The following PRDM5 variants were observed in gnomAD, a reference collection of about 807,000 sequenced individuals.
PRDM5 encodes PR domain zinc finger protein 5.
Under a neutral mutation model 81.2 loss-of-function variants are expected in PRDM5, and 56 were observed. The observed-to-expected ratio is 0.69, with a 90% CI of 0.56 to 0.86. PRDM5 has a LOEUF of 0.86. Among genes scored for constraint, PRDM5 ranks in the 40% least tolerant of loss-of-function variants. PRDM5 has a pLI of 0.00. For missense variants in PRDM5, 697 were observed against 770.1 expected (o/e 0.91, Z 1.12); for synonymous variants, 267 against 256.4 (o/e 1.04, Z -0.39).
intron 13 of PRDM5, among the ~76,000 whole-genome samples, chr4:120,769,951 T>C (rs774749894): frequency 6.6e-6 from 1 of 151,824 alleles, no homozygotes; most frequent in Non-Finnish European, 1.5e-5. Context: ...AATTCTCTGG[T>C]CCACTTAAGT....
Position 120,741,486 on chromosome 4 carries a change from G to A in PRDM5, c.1623+13067C>T, listed in dbSNP as rs150331424. 9.9e-5 allele frequency among the ~76,000 whole-genome samples: 15 copies of A among 151,594 alleles called. No individual in the cohort carries two copies. In the South Asian group the frequency reaches 1.0e-3, roughly 11 times the overall value. On this transcript the variant is annotated intron_variant, in intron 14 of 15. Coordinates refer to ENST00000264808, the MANE Select transcript of PRDM5 (RefSeq NM_018699.4). ...TCCCAGCCTGAACCACGCAGAAGACGGGTGATTACTGCATTTCCATCTGAG... is the reference window on the plus strand; with the variant it reads ...TCCCAGCCTGAACCACGCAGAAGACAGGTGATTACTGCATTTCCATCTGAG...
At position 120,784,981 on chromosome 4, in the gene PRDM5, C is replaced by G. The variant is rs199821555; in HGVS notation, c.1282+17G>C. The G allele has an allele frequency of 1.7e-5, 27 of 1,556,304 alleles. No homozygotes were observed. The East Asian group carries it at 5.6e-4, about 32-fold the overall frequency. ...AGATAATTCCTTATATTCTCAACTGCCTGAATCGTGACTTACTGTTATGTA... is the reference window on the plus strand; with the variant it reads ...AGATAATTCCTTATATTCTCAACTGGCTGAATCGTGACTTACTGTTATGTA... On this transcript the variant is annotated intron_variant, in intron 11 of 15. Transcript: ENST00000264808.
At chr4:120,823,004 T>C (rs1471637455) in intron 3 of PRDM5, among the ~76,000 whole-genome samples, 2 of 152,176 alleles carry the variant, frequency 1.3e-5, no homozygotes, top group Non-Finnish European at 2.9e-5. Flanking sequence ...AAAAAATATA[T>C]AGACACTAAG....
At chr4:120,721,084 T>C (rs1738528464) in intron 14 of PRDM5, among the ~76,000 whole-genome samples, 1 of 152,194 alleles carries the variant, frequency 6.6e-6, no homozygotes, top group Non-Finnish European at 1.5e-5. Context: ...CAGAAAGTCC[T>C]GTCACTTGCA....
At chr4:120,731,233 T>C (rs1419427006) in intron 14 of PRDM5, among the ~76,000 whole-genome samples, 1 of 151,952 alleles carries the variant, frequency 6.6e-6, no homozygotes, top group Non-Finnish European at 1.5e-5. Flanking sequence ...AGGGAGAAAG[T>C]GACACCAAAA....
At chr4:120,842,665 T>C (rs1449767215) in intron 3 of PRDM5, among the ~76,000 whole-genome samples, 2 of 152,264 alleles carry the variant, frequency 1.3e-5, no homozygotes, top group African/African-American at 2.4e-5. Flanking sequence ...TAACTATTTT[T>C]AAAATGTTTT....
intron 2 of PRDM5, among the ~76,000 whole-genome samples, chr4:120,884,375 ACTTT>A (rs1478770067): frequency 2.6e-5 from 4 of 152,010 alleles, no homozygotes; most frequent in African/African-American, 9.7e-5. Flanking sequence ...CTTCATTTAC[ACTTT>A]CTCTCTACTT....
At chr4:120,690,629 C>T (rs965328665), downstream of PRDM5, among the ~76,000 whole-genome samples, 2 of 152,046 alleles carry the variant, frequency 1.3e-5, no homozygotes, top group African/African-American at 4.8e-5. Flanking sequence ...ATTAGATAGT[C>T]TGTAAGAAGA....
intron 3 of PRDM5, among the ~76,000 whole-genome samples, chr4:120,835,366 G>A (rs537828754): frequency 1.8e-4 from 27 of 152,284 alleles, no homozygotes; most frequent in African/African-American, 6.5e-4. Context: ...GTGTGTGCAT[G>A]CACATGTGTG....
intron 1 of PRDM5, chr4:120,685,059 T>TA (rs1733782935): frequency 6.6e-6 from 1 of 152,094 alleles, no homozygotes; most frequent in African/African-American, 2.4e-5. Flanking sequence ...GATTCATATG[T>TA]AAACACTTGA....
chr4:120,910,620 A>G (rs1020597410), intron 1 of PRDM5, among the ~76,000 whole-genome samples: 4 of 152,234 alleles, frequency 2.6e-5, no homozygotes, highest in Non-Finnish European at 4.4e-5. Context: ...CATCTATGAA[A>G]GGGAAGTTTG....
intron 13 of PRDM5, among the ~76,000 whole-genome samples, chr4:120,774,902 A>G (rs184642067): frequency 6.8e-6 from 1 of 146,044 alleles, no homozygotes; most frequent in Admixed American, 6.9e-5. Flanking sequence ...ATATATATAT[A>G]TATATGTATA....
chr4:120,724,839 G>A (rs1487387620), intron 14 of PRDM5, among the ~76,000 whole-genome samples: 1 of 152,192 alleles, frequency 6.6e-6, no homozygotes, highest in Non-Finnish European at 1.5e-5. Flanking sequence ...CCAAGTTTAT[G>A]TCAACAGGTG....
chr4:120,833,780 T>G (rs1017890281), intron 3 of PRDM5, among the ~76,000 whole-genome samples: 10 of 152,126 alleles, frequency 6.6e-5, no homozygotes, highest in African/African-American at 2.4e-4. Flanking sequence ...CGGGGGATCT[T>G]GGAACATATC....
chr4:120,794,250 G>T (rs1751012604), intron 10 of PRDM5, among the ~76,000 whole-genome samples: 1 of 152,124 alleles, frequency 6.6e-6, no homozygotes. Context: ...AAAGCTAAAG[G>T]AAAGAGTGGC....
chr4:120,741,911 T>A (rs550774821), intron 14 of PRDM5, among the ~76,000 whole-genome samples: 12 of 152,306 alleles, frequency 7.9e-5, no homozygotes, highest in African/African-American at 2.6e-4. Context: ...CAGCTCAAAC[T>A]GGGTGGAGCC....
intron 14 of PRDM5, among the ~76,000 whole-genome samples, chr4:120,720,341 C>A (rs542387177): frequency 2.6e-5 from 4 of 152,154 alleles, no homozygotes; most frequent in Non-Finnish European, 5.9e-5. Context: ...TTTTCGGAGT[C>A]CTCCACTTTT....
intron 3 of PRDM5, among the ~76,000 whole-genome samples, chr4:120,846,881 A>C (rs1426646843): frequency 6.6e-6 from 1 of 152,134 alleles, no homozygotes; most frequent in Non-Finnish European, 1.5e-5. Flanking sequence ...GATGCTCCAT[A>C]GCTATGGGTT....
At chr4:120,690,136 C>T (rs1474662270), downstream of PRDM5, among the ~76,000 whole-genome samples, 1 of 151,988 alleles carries the variant, frequency 6.6e-6, no homozygotes, top group Non-Finnish European at 1.5e-5. Context: ...TCTTCAGATG[C>T]TAATAATTAC....
Sources: allele counts gnomAD v4.1 joint callset (sites outside exome capture counted in the v4.1 genomes callset), GRCh38; gene constraint gnomAD v4.1.1; transcripts MANE v1.5; gene names NCBI Gene and HGNC (gene_info 2026-07-23, HGNC 2026-07-21).